DOCK5: variants seen among roughly 807,000 people sequenced by gnomAD.
DOCK5 encodes dedicator of cytokinesis protein 5.
DOCK5 carries 142 observed loss-of-function variants against 251.8 expected under a neutral mutation model. The ratio of observed to expected loss-of-function variants is 0.56; its 90% CI spans 0.49 to 0.65. DOCK5 has a LOEUF of 0.65. DOCK5 is among the 30% of genes least tolerant of loss of function. DOCK5 has a pLI of 0.00. For synonymous variants in DOCK5, 842 were observed against 835.5 expected, an observed-to-expected ratio of 1.01 and a Z score of -0.13; for missense variants, 2,111 against 2,312.3, an observed-to-expected ratio of 0.91 and a Z score of 1.79.
At chr8:25,333,717 AAAT>A (rs1309804274) in intron 20 of DOCK5, among the ~76,000 whole-genome samples, 1 of 152,144 alleles carries the variant, frequency 6.6e-6, no homozygotes, top group Non-Finnish European at 1.5e-5. Context: ...CACAGGAGAA[AAAT>A]GTCATGGAAT....
chr8:25,237,215 A>T (rs1802825266), intron 1 of DOCK5, among the ~76,000 whole-genome samples: 1 of 151,976 alleles, frequency 6.6e-6, no homozygotes, highest in South Asian at 2.1e-4. Context: ...AAAAAATTTT[A>T]AAAATTAGCC....
Position 25,415,368 on chromosome 8 carries a change from A to T in DOCK5, c.*4070A>T, listed in dbSNP as rs1192796164. On this transcript the variant is annotated 3_prime_UTR_variant, in exon 52 of 52. Transcript: ENST00000276440. Reference sequence around the variant, plus strand: ...CTTCCTTAGATACCTTCATTCAGTGATATATCTGGCTTTTACAATTAAATT... The same window carrying T: ...CTTCCTTAGATACCTTCATTCAGTGTTATATCTGGCTTTTACAATTAAATT... 6.6e-6 allele frequency: 1 copy of T among 152,102 alleles called. No homozygotes were observed. Among genetic ancestry groups the T allele is most frequent in the African/African-American group, 2.4e-5 (1 of 41,400 alleles). The allele number at this position is 152,102 out of a possible 1,614,324, so 9.4% of individuals were successfully genotyped here. A position where few individuals can be genotyped will look rare whatever the true frequency, so the allele number is the denominator to read the frequency against.
chr8:25,339,776 AT>A (rs1175986414), intron 22 of DOCK5, among the ~76,000 whole-genome samples: 2 of 152,196 alleles, frequency 1.3e-5, no homozygotes, highest in Non-Finnish European at 2.9e-5. Flanking sequence ...AGGAGCTTGG[AT>A]TTTATTCCAA....
intron 48 of DOCK5, among the ~76,000 whole-genome samples, chr8:25,406,083 C>T (rs1256821028): frequency 6.6e-6 from 1 of 152,046 alleles, no homozygotes; most frequent in Non-Finnish European, 1.5e-5. Flanking sequence ...CTCAGTCTCC[C>T]GAGTAGCTGA....
intron 40 of DOCK5, among the ~76,000 whole-genome samples, chr8:25,383,441 G>A (rs2117305922): frequency 6.6e-6 from 1 of 152,304 alleles, no homozygotes; most frequent in South Asian, 2.1e-4. Flanking sequence ...TCTACTGTGT[G>A]CCAGGCATAG....
chr8:25,204,675 G>A (rs933121221), intron 1 of DOCK5, among the ~76,000 whole-genome samples: 3 of 152,266 alleles, frequency 2.0e-5, no homozygotes, highest in Admixed American at 2.0e-4. Flanking sequence ...TTCACATGCC[G>A]ATGGTAATCC....
chr8:25,275,577 G>T, intron 4 of DOCK5, 136 bp downstream of exon 4: 1 of 836,974 alleles, frequency 1.2e-6, no homozygotes, highest in South Asian at 1.7e-5. Flanking sequence ...GCTCACGCCT[G>T]TAATCCCAGC....
chr8:25,331,518 T>C (rs1805681416), intron 18 of DOCK5, among the ~76,000 whole-genome samples: 1 of 152,198 alleles, frequency 6.6e-6, no homozygotes, highest in South Asian at 2.1e-4. Flanking sequence ...CCCAGACTTA[T>C]GCTAAGGGTT....
At chr8:25,341,674 C>A in intron 23 of DOCK5, 65 bp from the exon 24 acceptor site, 1 of 1,339,354 alleles carries the variant, frequency 7.5e-7, no homozygotes, top group Non-Finnish European at 1.0e-6. Context: ...TTCCTGGGAT[C>A]AAGCAGTAAA....
At chr8:25,300,766 C>A in intron 9 of DOCK5, 109 bp downstream of exon 9, 1 of 1,200,790 alleles carries the variant, frequency 8.3e-7, no homozygotes, top group Non-Finnish European at 1.2e-6. Context: ...GAAAAATCAT[C>A]AATCTGCCTA....
chr8:25,195,034 C>T (rs1483947089), intron 1 of DOCK5, among the ~76,000 whole-genome samples: 1 of 152,098 alleles, frequency 6.6e-6, no homozygotes, highest in Non-Finnish European at 1.5e-5. Flanking sequence ...GATTCTCCTG[C>T]CATAGCCTCC....
chr8:25,364,888 G>T, intron 30 of DOCK5, 184 bp downstream of exon 30: 2 of 461,004 alleles, frequency 4.3e-6, no homozygotes, highest in East Asian at 3.3e-5. Context: ...AAATAGGGGT[G>T]GTTTCTTCTT....
At chr8:25,241,390 A>G (rs540830751) in intron 1 of DOCK5, among the ~76,000 whole-genome samples, 19 of 152,196 alleles carry the variant, frequency 1.2e-4, no homozygotes, top group Admixed American at 7.8e-4. Context: ...AGGCAGGAGA[A>G]TGGTGTGAAC....
intron 1 of DOCK5, among the ~76,000 whole-genome samples, chr8:25,240,321 C>A (rs891007369): frequency 4.7e-5 from 7 of 150,292 alleles, no homozygotes; most frequent in Admixed American, 4.0e-4. Context: ...AATTTATATA[C>A]CATAAAATCC....
intron 37 of DOCK5, chr8:25,375,824 C>G: frequency 1.5e-5 from 15 of 984,910 alleles, no homozygotes; most frequent in Non-Finnish European, 1.8e-5. Flanking sequence ...TGGACTGGGC[C>G]TGGTGGCTCA....
At chr8:25,330,196 G>A (rs1805651344) in intron 18 of DOCK5, among the ~76,000 whole-genome samples, 1 of 152,166 alleles carries the variant, frequency 6.6e-6, no homozygotes, top group Non-Finnish European at 1.5e-5. Flanking sequence ...GGAAGTAGAT[G>A]GTGCCTAGTG....
At chr8:25,228,204 T>A (rs1802578609) in intron 1 of DOCK5, among the ~76,000 whole-genome samples, 1 of 152,248 alleles carries the variant, frequency 6.6e-6, no homozygotes. Context: ...AACACACATT[T>A]ACTTATTTAA....
chr8:25,308,334 C>T (rs1216009678), intron 11 of DOCK5, among the ~76,000 whole-genome samples: 1 of 152,054 alleles, frequency 6.6e-6, no homozygotes, highest in Non-Finnish European at 1.5e-5. Context: ...AGACAGGAGC[C>T]TTAACAGGCA....
At chr8:25,252,350 A>G (rs1321141967) in intron 2 of DOCK5, among the ~76,000 whole-genome samples, 1 of 152,248 alleles carries the variant, frequency 6.6e-6, no homozygotes, top group Non-Finnish European at 1.5e-5. Context: ...AGGGGTGTCC[A>G]AGGTATTTGT....
Sources: gnomAD v4.1 joint callset for allele counts (sites outside exome capture counted in the v4.1 genomes callset) on GRCh38, gnomAD v4.1.1 for gene constraint, MANE v1.5 for transcripts, NCBI Gene and HGNC (gene_info 2026-07-23, HGNC 2026-07-21) for gene names.